Variants in BICD1 observed in about 807,000 individuals in gnomAD.
BICD1 encodes protein bicaudal D homolog 1.
BICD1 carries 35 observed loss-of-function variants against 92.5 expected under a neutral mutation model. The ratio of observed to expected loss-of-function variants is 0.38; its 90% CI spans 0.29 to 0.50. The LOEUF (loss-of-function observed/expected upper bound fraction) is 0.50. Ranked by LOEUF, BICD1 falls within the 20% of genes least tolerant of loss-of-function variation. The pLI is 0.93. For missense variants in BICD1, 950 were observed against 1,189.8 expected, an observed-to-expected ratio of 0.80 and a Z score of 2.97; for synonymous variants, 429 against 465.1, an observed-to-expected ratio of 0.92 and a Z score of 1.00.
At chr12:32,110,738 G>A (rs1374945005) in intron 1 of BICD1, among the ~76,000 whole-genome samples, 1 of 149,502 alleles carries the variant, frequency 6.7e-6, no homozygotes, top group East Asian at 2.0e-4. Context: ...CTAAACTTAA[G>A]AGTTTTTTTT....
At chr12:32,172,284 A>G (rs946575890) in intron 1 of BICD1, among the ~76,000 whole-genome samples, 2 of 152,078 alleles carry the variant, frequency 1.3e-5, no homozygotes, top group Admixed American at 6.6e-5. Flanking sequence ...TATACCAGAT[A>G]CTAGTTATAT....
At chr12:32,342,204 G>GTGTATATATATATA (rs375823999) in intron 8 of BICD1, among the ~76,000 whole-genome samples, 1 of 119,302 alleles carries the variant, frequency 8.4e-6, no homozygotes, top group African/African-American at 3.2e-5. Context: ...GTGTGTGTGT[G>GTGTATATATATATA]TATATATATA....
At position 32,294,183 on chromosome 12, in the gene BICD1, G is replaced by T. The variant is rs183360887; in HGVS notation, c.579+37G>T. On this transcript the variant is annotated intron_variant, in intron 3 of 9. Coordinates refer to ENST00000652176, the MANE Select transcript of BICD1 (RefSeq NM_001714.4). ...GAAATTTTTTGTTATACTGAAGATGGATCTACATCTTCTGACCACTAGGGT... is the reference window on the plus strand; with the variant it reads ...GAAATTTTTTGTTATACTGAAGATGTATCTACATCTTCTGACCACTAGGGT... 14 of 1,540,778 alleles carry T rather than the reference G, an allele frequency of 9.1e-6. No individual in the cohort carries two copies. The East Asian group carries it at 2.7e-4, about 30-fold the overall frequency.
intron 1 of BICD1, among the ~76,000 whole-genome samples, chr12:32,132,564 C>A (rs866976136): frequency 6.6e-6 from 1 of 152,110 alleles, no homozygotes; most frequent in African/African-American, 2.4e-5. Flanking sequence ...CGGTTAGCAT[C>A]CCTAGTCACT....
intron 2 of BICD1, among the ~76,000 whole-genome samples, chr12:32,238,280 A>G (rs952227842): frequency 5.3e-5 from 8 of 152,166 alleles, no homozygotes; most frequent in African/African-American, 1.9e-4. Context: ...AAGTACTCGT[A>G]AATATGGTGG....
chr12:32,147,712 G>A (rs112046647), intron 1 of BICD1, among the ~76,000 whole-genome samples: 26 of 152,304 alleles, frequency 1.7e-4, no homozygotes, highest in African/African-American at 5.8e-4. Flanking sequence ...ATAGTGAAAT[G>A]TCTTCTATGA....
At chr12:32,370,586 G>A (rs747976859) in intron 9 of BICD1, among the ~76,000 whole-genome samples, 8 of 152,112 alleles carry the variant, frequency 5.3e-5, no homozygotes, top group Non-Finnish European at 1.2e-4. Flanking sequence ...ACCTGAGAGA[G>A]TGAATGAGCT....
At chr12:32,318,800 G>C (rs987503315) in intron 4 of BICD1, among the ~76,000 whole-genome samples, 15 of 152,338 alleles carry the variant, frequency 9.8e-5, no homozygotes, top group African/African-American at 3.6e-4. Flanking sequence ...GTTGCAGTGA[G>C]CTGAGATCGT....
chr12:32,127,813 A>G (rs1565533833), intron 1 of BICD1, among the ~76,000 whole-genome samples: 1 of 152,184 alleles, frequency 6.6e-6, no homozygotes, highest in South Asian at 2.1e-4. Context: ...GACTTTGCAC[A>G]TGTTTTTATA....
At chr12:32,342,255 T>G (rs1938410736) in intron 8 of BICD1, among the ~76,000 whole-genome samples, 1 of 146,384 alleles carries the variant, frequency 6.8e-6, no homozygotes, top group African/African-American at 2.5e-5. Flanking sequence ...GGGGTTTGTT[T>G]TTTTTTCTTT....
At chr12:32,185,670 C>T (rs1944407131) in intron 1 of BICD1, among the ~76,000 whole-genome samples, 1 of 152,180 alleles carries the variant, frequency 6.6e-6, no homozygotes, top group Non-Finnish European at 1.5e-5. Flanking sequence ...AGGAGAGGGG[C>T]TCCCAAATCA....
chr12:32,279,354 T>C (rs1947358274), intron 2 of BICD1, among the ~76,000 whole-genome samples: 1 of 152,190 alleles, frequency 6.6e-6, no homozygotes, highest in African/African-American at 2.4e-5. Context: ...ATTGTATACT[T>C]TAAATGAGAG....
intron 1 of BICD1, among the ~76,000 whole-genome samples, chr12:32,209,342 C>CA (rs1204517580): frequency 6.6e-6 from 1 of 152,016 alleles, no homozygotes; most frequent in Non-Finnish European, 1.5e-5. Context: ...GGGATAAACA[C>CA]AAAAAAATGC....
chr12:32,337,731 GT>G lies in BICD1; in HGVS notation c.2486del (p.Val829GlyfsTer4). 6.2e-7 allele frequency: 1 copy of G among 1,614,140 alleles called. No individual in the cohort carries two copies. Among genetic ancestry groups the G allele is most frequent in the Non-Finnish European group, 8.5e-7 (1 of 1,180,032 alleles). On this transcript the variant is annotated frameshift_variant, in exon 7 of 10. Coordinates refer to ENST00000652176, the MANE Select transcript of BICD1 (RefSeq NM_001714.4). LOFTEE classifies it high-confidence loss of function. The surrounding 1 kb of genome is among the most constrained non-coding windows in gnomAD (Gnocchi z 4.7). Reference sequence around the variant, plus strand: ...AGTAAGTGGGGAGGCATCAGTCACCGTGCCCACCATAGACACTTACCTCCTG... The same window carrying G: ...AGTAAGTGGGGAGGCATCAGTCACCGGCCCACCATAGACACTTACCTCCTG... ...PKVSGEASVT[V>X]PTIDTYLLHS...
chr12:32,128,974 C>T (rs1185885288), intron 1 of BICD1, among the ~76,000 whole-genome samples: 1 of 151,700 alleles, frequency 6.6e-6, no homozygotes, highest in African/African-American at 2.4e-5. Context: ...CAGAATCTCG[C>T]TCTGTTGCCC....
chr12:32,180,915 T>A (rs1293799473), intron 1 of BICD1, among the ~76,000 whole-genome samples: 1 of 151,920 alleles, frequency 6.6e-6, no homozygotes, highest in Non-Finnish European at 1.5e-5. Context: ...CTCTTTCCTA[T>A]CATATTCTCT....
chr12:32,341,282 C>T (rs1396790024), intron 8 of BICD1, among the ~76,000 whole-genome samples: 1 of 151,900 alleles, frequency 6.6e-6, no homozygotes, highest in Admixed American at 6.6e-5. Flanking sequence ...TTTAGACCAG[C>T]CTTGGCAACA....
intron 2 of BICD1, among the ~76,000 whole-genome samples, chr12:32,282,421 A>T (rs946500369): frequency 6.6e-6 from 1 of 151,810 alleles, no homozygotes; most frequent in Non-Finnish European, 1.5e-5. Context: ...GGGTTTTGCC[A>T]CGTTGCCCAG....
rs569948016 is a variant in BICD1 at position 32,204,089 on chromosome 12, C to T, written c.214-12158C>T. On this transcript the variant is annotated intron_variant, in intron 1 of 9. Transcript: ENST00000652176. ...TGAGGTTGGGCGTGGTGGCTCACAC[C>T]TGTAATCCCAACATTTTGGGAGGCC... Among the ~76,000 whole-genome samples the T allele has an allele frequency of 2.6e-5, 4 of 152,230 alleles. No homozygotes were observed. The South Asian group carries it at 8.3e-4, about 32-fold the overall frequency.
Sources: allele counts gnomAD v4.1 joint callset (sites outside exome capture counted in the v4.1 genomes callset), GRCh38; gene constraint gnomAD v4.1.1; non-coding constraint Gnocchi (gnomAD v3.1); transcripts MANE v1.5; gene names NCBI Gene and HGNC (gene_info 2026-07-23, HGNC 2026-07-21).